The following ETV6 variants were observed in gnomAD, a reference collection of about 807,000 sequenced individuals.
The protein encoded by ETV6 is transcription factor ETV6.
A neutral mutation model predicts 51.1 loss-of-function variants in ETV6; 16 were observed. The ratio of observed to expected loss-of-function variants is 0.31; its 90% CI spans 0.21 to 0.48. The LOEUF is 0.48. Among genes scored for constraint, ETV6 ranks in the 20% least tolerant of loss-of-function variants. The pLI, the probability that ETV6 is intolerant of heterozygous loss-of-function variation, is 0.99. For synonymous variants in ETV6, 240 were observed against 224.1 expected (o/e 1.07, Z -0.64); for missense variants, 458 against 594.8 (o/e 0.77, Z 2.39).
At chr12:11,828,878 T>C (rs1946200271) in intron 2 of ETV6, among the ~76,000 whole-genome samples, 1 of 152,238 alleles carries the variant, frequency 6.6e-6, no homozygotes, top group Admixed American at 6.5e-5. Context: ...ATTTTTAAAA[T>C]ATTGCGTTAC....
chr12:11,763,527 A>T (rs1393452827), intron 2 of ETV6, among the ~76,000 whole-genome samples: 1 of 152,230 alleles, frequency 6.6e-6, no homozygotes, highest in African/African-American at 2.4e-5. Context: ...TTTGTCTCTG[A>T]TCAAATAGAT....
chr12:11,732,063 G>A (rs1865609978), intron 1 of ETV6, among the ~76,000 whole-genome samples: 1 of 152,166 alleles, frequency 6.6e-6, no homozygotes, highest in African/African-American at 2.4e-5. Context: ...CCACCCTGCA[G>A]TCCTTACCTT....
At chr12:11,768,596 C>T (rs936180878) in intron 2 of ETV6, among the ~76,000 whole-genome samples, 2 of 152,142 alleles carry the variant, frequency 1.3e-5, no homozygotes, top group Admixed American at 6.6e-5. Flanking sequence ...AAGTCAAACC[C>T]GTACCAGGGC....
intron 3 of ETV6, among the ~76,000 whole-genome samples, chr12:11,852,441 C>G (rs923864077): frequency 8.5e-5 from 13 of 152,148 alleles, no homozygotes; most frequent in African/African-American, 3.1e-4. Context: ...GTTACCACCT[C>G]TAACCGGACT....
At chr12:11,824,364 G>A (rs187308746) in intron 2 of ETV6, among the ~76,000 whole-genome samples, 34 of 152,318 alleles carry the variant, frequency 2.2e-4, no homozygotes, top group Middle Eastern at 3.4e-3. Flanking sequence ...AAGTGGCGTC[G>A]AGGAGGTCTG....
At chr12:11,735,789 G>A (rs1354667277) in intron 1 of ETV6, among the ~76,000 whole-genome samples, 5 of 152,104 alleles carry the variant, frequency 3.3e-5, no homozygotes, top group African/African-American at 4.8e-5. Flanking sequence ...TAGTAGAAAC[G>A]GGGTTTCACC....
At chr12:11,713,857 A>G (rs186228117) in intron 1 of ETV6, among the ~76,000 whole-genome samples, 1 of 152,246 alleles carries the variant, frequency 6.6e-6, no homozygotes, top group African/African-American at 2.4e-5. Context: ...CAGTAATGTT[A>G]TAAGGAAGAG....
chr12:11,730,286 C>A (rs538665332), intron 1 of ETV6, among the ~76,000 whole-genome samples: 5 of 152,204 alleles, frequency 3.3e-5, no homozygotes, highest in Admixed American at 6.5e-5. Flanking sequence ...AAAACCTTAT[C>A]CCTCTCTTAT....
intron 2 of ETV6, among the ~76,000 whole-genome samples, chr12:11,797,549 C>T (rs570327977): frequency 1.3e-5 from 2 of 152,098 alleles, no homozygotes; most frequent in Non-Finnish European, 2.9e-5. Flanking sequence ...GATAGGCATC[C>T]CATTACAGCA....
Position 11,751,893 on chromosome 12 carries a change from A to C in ETV6, c.34-557A>C, listed in dbSNP as rs75113166. On this transcript the variant is annotated intron_variant, in intron 1 of 7. Transcript: ENST00000396373. ...TTTTGGTTGTGGTGGTTGTATAGTGAGATAGGTGGACAATAGAAAAATCTT... is the reference window on the plus strand; with the variant it reads ...TTTTGGTTGTGGTGGTTGTATAGTGCGATAGGTGGACAATAGAAAAATCTT... The C allele has an allele frequency of 4.7e-3, 2,322 of 492,776 alleles. 37 individuals carry two copies. The highest frequency in any genetic ancestry group is 0.041 in the African/African-American group (2,107 of 50,832). The allele number at this position is 492,776 out of a possible 1,614,324, so 30.5% of individuals were successfully genotyped here. A position where few individuals can be genotyped will look rare whatever the true frequency, so the allele number is the denominator to read the frequency against.
chr12:11,851,097 G>A (rs554015876), intron 3 of ETV6, among the ~76,000 whole-genome samples: 12 of 152,190 alleles, frequency 7.9e-5, no homozygotes, highest in East Asian at 7.7e-4. Context: ...CGAGGCAGCC[G>A]TGCCCACCTC....
At chr12:11,762,402 T>A (rs1344784654) in intron 2 of ETV6, among the ~76,000 whole-genome samples, 1 of 152,226 alleles carries the variant, frequency 6.6e-6, no homozygotes, top group Non-Finnish European at 1.5e-5. Context: ...TCCTGTAACC[T>A]GTAAAAAATT....
intron 2 of ETV6, among the ~76,000 whole-genome samples, chr12:11,777,911 C>T (rs1945354681): frequency 6.6e-6 from 1 of 152,166 alleles, no homozygotes; most frequent in African/African-American, 2.4e-5. Context: ...CACAGGTTCC[C>T]AGTTTATCCT....
chr12:11,863,144 A>G (rs1565556815), intron 4 of ETV6, among the ~76,000 whole-genome samples: 1 of 152,300 alleles, frequency 6.6e-6, no homozygotes, highest in East Asian at 1.9e-4. Context: ...CTGGAAACTT[A>G]TCGGTCAAAA....
chr12:11,653,743 TAGAG>T (rs1408465294), intron 1 of ETV6, among the ~76,000 whole-genome samples: 1 of 151,950 alleles, frequency 6.6e-6, no homozygotes, highest in African/African-American at 2.4e-5. Flanking sequence ...ACTACAGCCT[TAGAG>T]AGGGCTAGAG....
chr12:11,836,638 G>A (rs781545096), intron 2 of ETV6, among the ~76,000 whole-genome samples: 9 of 152,164 alleles, frequency 5.9e-5, no homozygotes, highest in Non-Finnish European at 1.3e-4. Context: ...TTACTCATGA[G>A]TATTTTCTTC....
At chr12:11,812,209 G>A (rs932981873) in intron 2 of ETV6, among the ~76,000 whole-genome samples, 3 of 152,028 alleles carry the variant, frequency 2.0e-5, no homozygotes, top group Admixed American at 6.5e-5. Flanking sequence ...AATTGACCGC[G>A]TGCACACTCT....
intron 3 of ETV6, among the ~76,000 whole-genome samples, chr12:11,844,651 G>A (rs144195238): frequency 1.2e-3 from 182 of 152,084 alleles, no homozygotes; most frequent in African/African-American, 3.8e-3. Context: ...CAAGGATATA[G>A]GTCACAGAAG....
rs1458542805 is a variant in ETV6, at chr12:11,649,906, C to G, written c.-222C>G. ...GACCTGCAGACCCCGCCGCCGCGCTCGGGCCCGTCTCCCACGCCCCCGCCG... is the reference window on the plus strand; with the variant it reads ...GACCTGCAGACCCCGCCGCCGCGCTGGGGCCCGTCTCCCACGCCCCCGCCG... On this transcript the variant is annotated 5_prime_UTR_variant, in exon 1 of 8. Coordinates refer to ENST00000396373, the MANE Select transcript of ETV6 (RefSeq NM_001987.5). 5.8e-6 allele frequency: 1 copy of G among 172,832 alleles called. No homozygotes were observed. 10.7% of individuals were successfully genotyped at this position (172,832 alleles called of 1,614,324 possible). A position where few individuals can be genotyped will look rare whatever the true frequency, so the allele number is the denominator to read the frequency against.
Sources: allele counts gnomAD v4.1 joint callset (sites outside exome capture counted in the v4.1 genomes callset), GRCh38; gene constraint gnomAD v4.1.1; transcripts MANE v1.5; gene names NCBI Gene and HGNC (gene_info 2026-07-23, HGNC 2026-07-21).